Variants in RAP1GAP2 observed in about 807,000 individuals in gnomAD.
RAP1GAP2 encodes RAP1 GTPase activating protein 2.
Under a neutral mutation model 95.0 loss-of-function variants are expected in RAP1GAP2, and 27 were observed. The ratio of observed to expected loss-of-function variants is 0.28; its 90% CI spans 0.21 to 0.39. The LOEUF (loss-of-function observed/expected upper bound fraction) is 0.39. Among genes scored for constraint, RAP1GAP2 ranks in the 10% least tolerant of loss-of-function variants. The probability of loss-of-function intolerance (pLI) is 1.00; values close to 1 mark genes in which losing one functional copy is unlikely to be tolerated. For synonymous variants in RAP1GAP2, 373 were observed against 380.9 expected (o/e 0.98, Z 0.24); for missense variants, 771 against 970.0 (o/e 0.79, Z 2.72).
intron 2 of RAP1GAP2, among the ~76,000 whole-genome samples, chr17:2,880,842 C>T (rs1338209594): frequency 2.6e-5 from 4 of 152,046 alleles, no homozygotes; most frequent in Admixed American, 6.6e-5. Flanking sequence ...TGAAATGTGC[C>T]GAGGTCAGGC....
chr17:2,963,534 G>A lies in RAP1GAP2; in HGVS notation c.279+72G>A, dbSNP rs1309473505. 12 of 1,589,276 alleles carry A rather than the reference G, an allele frequency of 7.6e-6. No individual in the cohort carries two copies. The East Asian group carries it at 1.6e-4, about 21-fold the overall frequency. On this transcript the variant is annotated intron_variant, in intron 6 of 24. Coordinates refer to ENST00000254695, the MANE Select transcript of RAP1GAP2 (RefSeq NM_015085.5). The surrounding 1 kb of genome is among the most constrained non-coding windows in gnomAD (Gnocchi z 4.8). ...GTCCCGTCCCTGGGGAAATGATGGC[G>A]ATGGCCTGTGCCCAGCCCCCCAGGG...
chr17:2,878,603 C>CAAA (rs2073172297), intron 2 of RAP1GAP2, among the ~76,000 whole-genome samples: 1 of 152,206 alleles, frequency 6.6e-6, no homozygotes, highest in African/African-American at 2.4e-5. Context: ...GCAGGGGTTT[C>CAAA]TCTCGCTGGT....
At chr17:2,884,338 C>T (rs950698747) in intron 2 of RAP1GAP2, among the ~76,000 whole-genome samples, 1 of 149,922 alleles carries the variant, frequency 6.7e-6, no homozygotes, top group African/African-American at 2.5e-5. Flanking sequence ...CGAGACGGGT[C>T]GGACACAGCT....
At chr17:3,018,305 G>T in intron 18 of RAP1GAP2, 107 bp downstream of exon 18, 1 of 1,387,682 alleles carries the variant, frequency 7.2e-7, no homozygotes. Context: ...GACTTGATCA[G>T]GGCAAGCTGG....
intron 2 of RAP1GAP2, among the ~76,000 whole-genome samples, chr17:2,852,893 A>ACCTTCCGC (rs577651653): frequency 2.5e-4 from 38 of 151,966 alleles, no homozygotes; most frequent in Non-Finnish European, 3.8e-4. Flanking sequence ...CGACCTTCCG[A>ACCTTCCGC]CCTTCCGCCC....
At chr17:2,849,630 G>T (rs1224529136) in intron 2 of RAP1GAP2, among the ~76,000 whole-genome samples, 1 of 152,210 alleles carries the variant, frequency 6.6e-6, no homozygotes, top group Non-Finnish European at 1.5e-5. Flanking sequence ...AGCCTTTGGA[G>T]TTCCCCTGGA....
chr17:2,894,988 G>A (rs564410202), intron 2 of RAP1GAP2, among the ~76,000 whole-genome samples: 1 of 152,186 alleles, frequency 6.6e-6, no homozygotes, highest in African/African-American at 2.4e-5. Context: ...CTTTGCCCTC[G>A]AGAGAGGGTT....
intron 2 of RAP1GAP2, among the ~76,000 whole-genome samples, chr17:2,890,771 G>A (rs1375224943): frequency 6.0e-5 from 9 of 149,124 alleles, no homozygotes; most frequent in Non-Finnish European, 1.0e-4. Context: ...TGCAAGCTCC[G>A]CCTCCTGGGT....
intron 11 of RAP1GAP2, among the ~76,000 whole-genome samples, chr17:2,989,136 A>G (rs2151559029): frequency 6.6e-6 from 1 of 152,218 alleles, no homozygotes; most frequent in South Asian, 2.1e-4. Context: ...TCTTCTCACC[A>G]GCAGTGTATG....
At chr17:2,952,332 T>A (rs2151460370) in intron 3 of RAP1GAP2, among the ~76,000 whole-genome samples, 1 of 152,330 alleles carries the variant, frequency 6.6e-6, no homozygotes. Flanking sequence ...TGTACCCCTG[T>A]GCCTTATTTA....
At position 3,027,744 on chromosome 17, in the gene RAP1GAP2, T is replaced by C. The variant is rs115069088; in HGVS notation, c.2107+674T>C. ...TTTTGGCTGCTGCAGCTGCTGAGTGTAGAATGGATTAGTAGAGAGCAGGAG... is the reference window on the plus strand; with the variant it reads ...TTTTGGCTGCTGCAGCTGCTGAGTGCAGAATGGATTAGTAGAGAGCAGGAG... On this transcript the variant is annotated intron_variant, in intron 22 of 24. Transcript: ENST00000254695. The surrounding 1 kb of genome is among the most constrained non-coding windows in gnomAD (Gnocchi z 5.2). 0.035 allele frequency among the ~76,000 whole-genome samples: 4,280 copies of C among 122,978 alleles called. 208 individuals carry two copies. Among genetic ancestry groups the C allele is most frequent in the African/African-American group, 0.12 (4,043 of 32,906 alleles). 80.7% of individuals were successfully genotyped at this position (122,978 alleles called of 152,430 possible). A position where few individuals can be genotyped will look rare whatever the true frequency, so the allele number is the denominator to read the frequency against.
chr17:2,850,860 A>G (rs950562527), intron 2 of RAP1GAP2, among the ~76,000 whole-genome samples: 3 of 152,022 alleles, frequency 2.0e-5, no homozygotes, highest in African/African-American at 7.2e-5. Flanking sequence ...CAGGAGTTCG[A>G]GATCAGCCTG....
At chr17:2,806,445 T>C (rs2069522342) in intron 2 of RAP1GAP2, among the ~76,000 whole-genome samples, 3 of 149,482 alleles carry the variant, frequency 2.0e-5, no homozygotes, top group Admixed American at 2.0e-4. Context: ...CAGTCTGGAG[T>C]GCAGTGGTGA....
At position 2,905,269 on chromosome 17, in the gene RAP1GAP2, T is replaced by G. The variant is rs1476131682; in HGVS notation, c.81-15T>G. 1 of 1,613,188 alleles carries G rather than the reference T, an allele frequency of 6.2e-7. No individual in the cohort carries two copies. Among genetic ancestry groups the G allele is most frequent in the Non-Finnish European group, 8.5e-7 (1 of 1,179,374 alleles). ...GCAGGCAGGTCCTCACTCACCTCTTTTGGCCTCTTCACAGGAAGCAGGAGC... is the reference window on the plus strand; with the variant it reads ...GCAGGCAGGTCCTCACTCACCTCTTGTGGCCTCTTCACAGGAAGCAGGAGC... On this transcript the variant is annotated splice_polypyrimidine_tract_variant and intron_variant, in intron 2 of 24. Transcript: ENST00000254695.
At position 2,936,595 on chromosome 17, in the gene RAP1GAP2, C is replaced by A. The variant is rs192875694; in HGVS notation, c.166-21164C>A. On this transcript the variant is annotated intron_variant, in intron 3 of 24. Coordinates refer to ENST00000254695, the MANE Select transcript of RAP1GAP2 (RefSeq NM_015085.5). ...AGTTAACCTCTCTGAGCTTTAGTTA[C>A]CCTCCCCCGGTGCCCCAAAATGGAT... Among the ~76,000 whole-genome samples, 205 of 152,160 alleles carry A rather than the reference C, an allele frequency of 1.3e-3. 2 individuals carry two copies. Among genetic ancestry groups the A allele is most frequent in the Admixed American group, 5.2e-3 (80 of 15,272 alleles).
chr17:2,996,705 T>C (rs1189705420), intron 13 of RAP1GAP2, among the ~76,000 whole-genome samples: 1 of 152,222 alleles, frequency 6.6e-6, no homozygotes, highest in African/African-American at 2.4e-5. Flanking sequence ...TATGTGTGTT[T>C]CTTGGGAAAT....
intron 1 of RAP1GAP2, among the ~76,000 whole-genome samples, chr17:2,769,461 G>A (rs6502506): frequency 0.45 from 67,405 of 150,516 alleles, 15,853 homozygotes; most frequent in East Asian, 0.76. Flanking sequence ...AGGCTGAGGC[G>A]GGAGAATGGC....
At chr17:2,806,376 T>TTTTTTA (rs150744972) in intron 2 of RAP1GAP2, among the ~76,000 whole-genome samples, 90 of 139,950 alleles carry the variant, frequency 6.4e-4, no homozygotes, top group African/African-American at 2.3e-3. Context: ...CTACAACCTT[T>TTTTTTA]TTATTATTAT....
chr17:2,813,075 C>A (rs1024275129), intron 2 of RAP1GAP2, among the ~76,000 whole-genome samples: 13 of 142,336 alleles, frequency 9.1e-5, no homozygotes, highest in African/African-American at 3.1e-4. Flanking sequence ...AGCATCAGTA[C>A]TTTTTTTTTT....
Sources: allele counts gnomAD v4.1 joint callset (sites outside exome capture counted in the v4.1 genomes callset), GRCh38; gene constraint gnomAD v4.1.1; non-coding constraint Gnocchi (gnomAD v3.1); transcripts MANE v1.5; gene names NCBI Gene and HGNC (gene_info 2026-07-23, HGNC 2026-07-21).